The following CCDC78 variants were observed in gnomAD, a reference collection of about 807,000 sequenced individuals.
The protein encoded by CCDC78 is coiled-coil domain containing 78.
CCDC78 carries 78 observed loss-of-function variants against 61.9 expected under a neutral mutation model. The observed-to-expected ratio is 1.26, with a 90% CI of 1.05 to 1.52. CCDC78 has a LOEUF of 1.52. Among genes scored for constraint, CCDC78 ranks in the 40% most tolerant of loss-of-function variants. The pLI is 0.00. For missense variants in CCDC78, 737 were observed against 615.5 expected (o/e 1.20, Z -2.09); for synonymous variants, 287 against 251.9 (o/e 1.14, Z -1.32).
chr16:722,627 G>T lies in CCDC78; in HGVS notation c.*51C>A. On this transcript the variant is annotated 3_prime_UTR_variant, in exon 14 of 14. Coordinates refer to ENST00000345165, the MANE Select transcript of CCDC78 (RefSeq NM_001378030.1). ...GTTTTATGGGGGGCTGGGTGGGAGG[G>T]TTCTGTGCTGGCTGAGGAGCTCTGC... 3 of 754,666 alleles carry T rather than the reference G, an allele frequency of 4.0e-6. No homozygotes were observed. Among genetic ancestry groups the T allele is most frequent in the Non-Finnish European group, 6.6e-6 (3 of 456,874 alleles). The allele number at this position is 754,666 out of a possible 1,614,324, so 46.7% of individuals were successfully genotyped here. A position where few individuals can be genotyped will look rare whatever the true frequency, so the allele number is the denominator to read the frequency against.
intron 11 of CCDC78, chr16:723,522 C>T (rs1359106515): frequency 1.5e-6 from 1 of 672,834 alleles, no homozygotes; most frequent in South Asian, 1.5e-5. Flanking sequence ...ACATGGAGGC[C>T]CAGAGGCAAG....
rs748887262 is a variant in CCDC78 at position 725,158 on chromosome 16, C to T, written c.493-13G>A. ...CTTCCCCCTGCAGCTGTGGGGCACACAGGGCTGGCTGGATGAGACCCTAGG... is the reference window on the plus strand; with the variant it reads ...CTTCCCCCTGCAGCTGTGGGGCACATAGGGCTGGCTGGATGAGACCCTAGG... On this transcript the variant is annotated splice_polypyrimidine_tract_variant and intron_variant, in intron 5 of 13. Coordinates refer to ENST00000345165, the MANE Select transcript of CCDC78 (RefSeq NM_001378030.1). 6 of 1,612,608 alleles carry T rather than the reference C, an allele frequency of 3.7e-6. No individual in the cohort carries two copies. Among genetic ancestry groups the T allele is most frequent in the Non-Finnish European group, 4.2e-6 (5 of 1,180,026 alleles).
Position 725,469 on chromosome 16 carries a change from G to C in CCDC78, c.379C>G (p.Gln127Glu), listed in dbSNP as rs1406732258. 2 of 1,612,654 alleles carry C rather than the reference G, an allele frequency of 1.2e-6. No individual in the cohort carries two copies. The highest frequency in any genetic ancestry group is 1.7e-6 in the Non-Finnish European group (2 of 1,179,982). ...SDPRHPRAAA[Q>E]ELRHKAQVPG... The stretch of plus-strand genomic sequence containing the variant: ...ACCTGGGCTTTGTGTCTGAGCTCTT[G>C]GGCTGCTGCCCGGGGATGCCTGGGG... Residue 127 changes from glutamine to glutamate, a missense_variant, in exon 4 of 14, where the codon CAA (glutamine) becomes GAA (glutamate). Physicochemically the swap from Gln to Glu is conservative, Grantham distance 29 (BLOSUM62 2). Transcript: ENST00000345165.
At position 725,878 on chromosome 16, in the gene CCDC78, G is replaced by C. The variant is rs140761899; in HGVS notation, c.183C>G (p.Ile61Met). Residue 61 changes from isoleucine to methionine, a missense_variant and splice_region_variant, in exon 3 of 14, where the codon ATC becomes ATG. Ile to Met is a conservative substitution (Grantham distance 10). Coordinates refer to ENST00000345165, the MANE Select transcript of CCDC78 (RefSeq NM_001378030.1). ...TCTGAATGTCGACCAGCTCCTTGGA[G>C]ATCTGTGGGTGGCCAGGTGAGAGGT... is the stretch of plus-strand genomic sequence containing the variant. Reference protein sequence around the residue: ...LALNKEQQLQISKELVDIQIT... With the variant: ...LALNKEQQLQMSKELVDIQIT... 268 of 1,609,698 alleles carry C rather than the reference G, an allele frequency of 1.7e-4. No homozygotes were observed. The highest frequency in any genetic ancestry group is 1.1e-3 in the African/African-American group (85 of 74,986).
chr16:724,723 A>T lies in CCDC78; in HGVS notation c.723T>A (p.Asp241Glu). 2 of 1,612,118 alleles carry T rather than the reference A, an allele frequency of 1.2e-6. No homozygotes were observed. The highest frequency in any genetic ancestry group is 1.1e-5 in the South Asian group (1 of 90,972). The change falls in exon 8 of 14, where the codon GAT becomes GAA. Residue 241 changes from aspartate (D) to glutamate (E), a missense_variant. Coordinates refer to ENST00000345165, the MANE Select transcript of CCDC78 (RefSeq NM_001378030.1). ...AGTGTTGCAGCCGTAGGACGTACTC[A>T]TCCTTCAGTTTCTTGAGCTGCAGCT... The part of the protein sequence containing the change: ...RLQLQLKKLK[D>E]EYVLRLQHCA...
In CCDC78 at chr16:725,459, C is replaced by G; in HGVS notation, c.389G>C (p.Arg130Thr). 6.2e-7 allele frequency: 1 copy of G among 1,612,802 alleles called. No individual in the cohort carries two copies. Among genetic ancestry groups the G allele is most frequent in the South Asian group, 1.1e-5 (1 of 91,086 alleles). The change falls in exon 4 of 14, where the codon AGA becomes ACA. Residue 130 changes from arginine (R) to threonine (T), a missense_variant. Transcript: ENST00000345165. ...GTGTCCAGGCACCTGGGCTTTGTGT[C>G]TGAGCTCTTGGGCTGCTGCCCGGGG... is the stretch of plus-strand genomic sequence containing the variant. ...RHPRAAAQEL[R>T]HKAQVPGHSD...
Position 725,558 on chromosome 16 carries a change from A to G in CCDC78, c.290T>C (p.Val97Ala), listed in dbSNP as rs1226703062. The G allele has an allele frequency of 3.7e-6, 6 of 1,609,808 alleles. No individual in the cohort carries two copies. The East Asian group carries it at 1.3e-4, about 36-fold the overall frequency. Residue 97 changes from valine (V) to alanine (A), a missense_variant, in exon 4 of 14, where the codon GTA (valine) becomes GCA (alanine). By Grantham distance (64) the Val-to-Ala change is moderately conservative (BLOSUM62 0). Coordinates refer to ENST00000345165, the MANE Select transcript of CCDC78 (RefSeq NM_001378030.1). ...KSEILRLESR[V>A]LELELRGDGT... ...ATCTCCTCGCAGCTCCAGCTCCAGT[A>G]CCCGGCTCTCCAGCCGAAGGATCTG...
At chr16:723,597 TC>T (rs2040479003) in intron 11 of CCDC78, 1 of 688,468 alleles carries the variant, frequency 1.5e-6, no homozygotes, top group African/African-American at 1.8e-5. Flanking sequence ...AGCGGAAACC[TC>T]CCTCAGGTGT....
intron 13 of CCDC78, 63 bp downstream of exon 13, chr16:722,859 G>A (rs1426744231): frequency 6.2e-7 from 1 of 1,607,476 alleles, no homozygotes; most frequent in Admixed American, 1.7e-5. Context: ...GCCTGAGGCA[G>A]CCATCATCCT....
chr16:724,830 C>A (rs967761744), intron 7 of CCDC78, 24 bp from the exon 8 acceptor site: 4 of 1,611,092 alleles, frequency 2.5e-6, no homozygotes, highest in African/African-American at 2.7e-5. Context: ...AGCCCTCCAC[C>A]TGTGCCCTGA....
intron 5 of CCDC78, 43 bp from the exon 6 acceptor site, chr16:725,188 G>A (rs765617000): frequency 5.6e-6 from 9 of 1,611,774 alleles, no homozygotes; most frequent in Non-Finnish European, 7.6e-6. Flanking sequence ...CCTAGGCTTG[G>A]GGTCTCTGGT....
Position 724,471 on chromosome 16 carries a change from C to A in CCDC78, c.804G>T (p.Thr268=). 1.2e-6 allele frequency: 2 copies of A among 1,601,390 alleles called. No homozygotes were observed. The highest frequency in any genetic ancestry group is 1.7e-6 in the Non-Finnish European group (2 of 1,179,698). ...ADGAGQAPAT[T]ALRTFLEATL... ...TCGCCTCCAGGAATGTCCGGAGGGC[C>A]GTGGTGGCTGGCGCTTGGCCTGCAC... Residue 268 remains threonine, a synonymous_variant, in exon 9 of 14, where the codon ACG becomes ACT. Transcript: ENST00000345165.
At chr16:724,637 A>G (rs1596619786) in intron 8 of CCDC78, 44 bp downstream of exon 8, 3 of 1,595,088 alleles carry the variant, frequency 1.9e-6, no homozygotes, top group Non-Finnish European at 2.6e-6. Flanking sequence ...CACCCAGGCC[A>G]GGCTTGGGCT....
chr16:725,719 C>T (rs943791810), intron 3 of CCDC78, 75 bp downstream of exon 3: 17 of 1,573,590 alleles, frequency 1.1e-5, no homozygotes, highest in Admixed American at 3.7e-5. Flanking sequence ...CGTGTGCATG[C>T]CCATGCAGGG....
In CCDC78 at chr16:725,261, A is replaced by C. The variant is rs370998388; in HGVS notation, c.468T>G (p.Asn156Lys). ...CGCCGCTCCCCAGCCTGTGCTGCTC[A>C]TTCTCGGGGTTCATGGTGTTCTTGG... ...VQPKNTMNPE[N>K]EQHRLGSGLQ... The change falls in exon 5 of 14, where the codon AAT becomes AAG. Residue 156 changes from asparagine to lysine, a missense_variant. Transcript: ENST00000345165. 2.9e-5 allele frequency: 47 copies of C among 1,607,340 alleles called. 1 individual carries two copies. The highest frequency in any genetic ancestry group is 2.0e-4 in the East Asian group (9 of 44,864).
rs2151578450 is a variant in CCDC78 at position 726,290 on chromosome 16, A to G, written c.60+18T>C. On this transcript the variant is annotated intron_variant, in intron 1 of 13. Coordinates refer to ENST00000345165, the MANE Select transcript of CCDC78 (RefSeq NM_001378030.1). ...ACTTCAACCCCATGGCAGGAGCGGCAAGTCCCAGAGGACTCACATTCTCCA... is the reference window on the plus strand; with the variant it reads ...ACTTCAACCCCATGGCAGGAGCGGCGAGTCCCAGAGGACTCACATTCTCCA... 6.5e-7 allele frequency: 1 copy of G among 1,549,238 alleles called. No individual in the cohort carries two copies. The highest frequency in any genetic ancestry group is 8.7e-7 in the Non-Finnish European group (1 of 1,146,770).
chr16:723,146 T>G lies in CCDC78; in HGVS notation c.1149A>C (p.Ala383=). ...GTSEPQGLDA[A]SWAQIHQKLR... is the part of the protein sequence containing the mutation. The stretch of plus-strand genomic sequence containing the variant: ...GCTTCTGGTGGATCTGGGCCCAGGA[T>G]GCAGCGTCCAGGCCCCTGTGAGGGG... Residue 383 remains alanine, a synonymous_variant, in exon 12 of 14, where the codon GCA becomes GCC. Transcript: ENST00000345165. 1.2e-6 allele frequency: 2 copies of G among 1,612,624 alleles called. No individual in the cohort carries two copies. The highest frequency in any genetic ancestry group is 1.3e-5 in the African/African-American group (1 of 75,052).
Position 725,500 on chromosome 16 carries a change from C to T in CCDC78, c.348G>A (p.Glu116=), listed in dbSNP as rs755948173. Reference sequence around the variant, plus strand: ...CTGCCCGGGGATGCCTGGGGTCAGACTCCACTGGGACTGCACAGCCCTGGC... The same window carrying T: ...CTGCCCGGGGATGCCTGGGGTCAGATTCCACTGGGACTGCACAGCCCTGGC... ...GTSQGCAVPV[E]SDPRHPRAAA... The change falls in exon 4 of 14, where the codon GAG becomes GAA. Residue 116 remains glutamate (E), a synonymous_variant. Coordinates refer to ENST00000345165, the MANE Select transcript of CCDC78 (RefSeq NM_001378030.1). The T allele has an allele frequency of 7.4e-6, 12 of 1,612,584 alleles. 1 individual carries two copies. The highest frequency in any genetic ancestry group is 1.3e-5 in the African/African-American group (1 of 74,950).
intron 11 of CCDC78, 50 bp from the exon 12 acceptor site, chr16:723,211 C>T (rs2040399344): frequency 6.3e-7 from 1 of 1,588,450 alleles, no homozygotes; most frequent in South Asian, 1.1e-5. Flanking sequence ...GGCATGGTGA[C>T]ACAGGGACAG....
Sources: gnomAD v4.1 joint callset for allele counts on GRCh38, gnomAD v4.1.1 for gene constraint, MANE v1.5 for transcripts, NCBI Gene and HGNC (gene_info 2026-07-23, HGNC 2026-07-21) for gene names.